CFAP96: variants seen among roughly 807,000 people sequenced by gnomAD.
The protein encoded by CFAP96 is cilia and flagella associated protein 96.
chr4:185,449,583 T>C, the CFAP96 span: 70 of 1,519,992 alleles, frequency 4.6e-5, no homozygotes, highest in Admixed American at 1.4e-3. Flanking sequence ...GTGTGTTTAT[T>C]TTCCAATTTT....
the CFAP96 span, chr4:185,415,851 A>T: frequency 6.2e-7 from 1 of 1,613,240 alleles, no homozygotes; most frequent in East Asian, 2.2e-5. Flanking sequence ...CATAAGATCT[A>T]TATTTACTAT....
At chr4:185,430,139 G>A in the CFAP96 span, among the ~76,000 whole-genome samples, 2 of 152,234 alleles carry the variant, frequency 1.3e-5, no homozygotes, top group South Asian at 2.1e-4. Flanking sequence ...TTACATTTGC[G>A]TCCAAGAAGG....
chr4:185,434,083 G>A, the CFAP96 span, among the ~76,000 whole-genome samples: 1 of 152,018 alleles, frequency 6.6e-6, no homozygotes, highest in African/African-American at 2.4e-5. Context: ...AGCCAGCGTG[G>A]CGATGCATGC....
At chr4:185,426,075 T>C in the CFAP96 span, 30 of 611,524 alleles carry the variant, frequency 4.9e-5, no homozygotes, top group African/African-American at 3.0e-4. Context: ...CGAAGACTTA[T>C]GTTTGGTAAA....
the CFAP96 span, chr4:185,436,016 C>G: frequency 6.7e-7 from 1 of 1,482,618 alleles, no homozygotes; most frequent in Non-Finnish European, 9.0e-7. Flanking sequence ...TAACCTCCTT[C>G]TTTTAAAACA....
chr4:185,422,881 A>T, the CFAP96 span, among the ~76,000 whole-genome samples: 1 of 97,704 alleles, frequency 1.0e-5, no homozygotes, highest in Non-Finnish European at 2.1e-5. Flanking sequence ...TTGTTTGGAG[A>T]CAGGGTCTCA....
the CFAP96 span, among the ~76,000 whole-genome samples, chr4:185,448,474 A>T: frequency 1.3e-5 from 2 of 152,198 alleles, no homozygotes; most frequent in African/African-American, 4.8e-5. Context: ...ATAAGTAAGG[A>T]AAATTGATTC....
the CFAP96 span, among the ~76,000 whole-genome samples, chr4:185,434,626 A>G: frequency 1.3e-5 from 2 of 152,352 alleles, 1 homozygote; most frequent in South Asian, 4.1e-4. Context: ...AAAAACATCT[A>G]TAATTTAGTG....
chr4:185,433,673 G>A, the CFAP96 span, among the ~76,000 whole-genome samples: 4 of 152,178 alleles, frequency 2.6e-5, no homozygotes, highest in African/African-American at 4.8e-5. Context: ...AGGCCGAGGC[G>A]GGCGGATCAC....
chr4:185,439,947 T>TATATGATATATATACATATATGTATC, the CFAP96 span, among the ~76,000 whole-genome samples: 1 of 124,036 alleles, frequency 8.1e-6, no homozygotes, highest in South Asian at 2.8e-4. Flanking sequence ...ATATGTATCA[T>TATATGATATATATACATATATGTATC]ATATATGATA....
chr4:185,418,033 A>T, the CFAP96 span, among the ~76,000 whole-genome samples: 1 of 25,032 alleles, frequency 4.0e-5, no homozygotes. Context: ...AAAAAGAGTG[A>T]AACTCCATCT....
the CFAP96 span, chr4:185,418,446 C>A: frequency 6.2e-7 from 1 of 1,606,866 alleles, no homozygotes; most frequent in Non-Finnish European, 8.5e-7. Flanking sequence ...CTTACCATGT[C>A]TGATAACTTT....
At chr4:185,449,656 C>CA in the CFAP96 span, 1 of 1,517,720 alleles carries the variant, frequency 6.6e-7, no homozygotes, top group South Asian at 1.3e-5. Context: ...AACTGGAAGA[C>CA]AAGTAGCTTT....
the CFAP96 span, chr4:185,436,177 G>C: frequency 7.7e-6 from 12 of 1,549,166 alleles, no homozygotes; most frequent in African/African-American, 1.4e-4. Context: ...AAAGGAACTG[G>C]ATATGGGTAA....
chr4:185,415,382 G>A, the CFAP96 span: 6 of 1,493,144 alleles, frequency 4.0e-6, no homozygotes, highest in Non-Finnish European at 5.4e-6. Flanking sequence ...ATTAACAAAA[G>A]TTATAGTGAC....
chr4:185,447,670 G>A, the CFAP96 span, among the ~76,000 whole-genome samples: 21 of 152,106 alleles, frequency 1.4e-4, no homozygotes, highest in African/African-American at 4.6e-4. Flanking sequence ...CTCATTAGGA[G>A]TATTAGAACC....
At chr4:185,436,113 C>T in the CFAP96 span, 1 of 1,551,156 alleles carries the variant, frequency 6.4e-7, no homozygotes, top group Non-Finnish European at 8.7e-7. Flanking sequence ...ACAGTCAAAA[C>T]CTCGAGAAAA....
chr4:185,414,556 T>C, the CFAP96 span, among the ~76,000 whole-genome samples: 1 of 152,168 alleles, frequency 6.6e-6, no homozygotes, highest in Non-Finnish European at 1.5e-5. Flanking sequence ...ATTCTCGCTC[T>C]CCCTAAGGAC....
the CFAP96 span, among the ~76,000 whole-genome samples, chr4:185,446,551 T>C: frequency 6.6e-6 from 1 of 152,178 alleles, no homozygotes; most frequent in Non-Finnish European, 1.5e-5. Context: ...ATCTAGTCAG[T>C]TGCTTAAGTT....
Sources: gnomAD v4.1 joint callset for allele counts (sites outside exome capture counted in the v4.1 genomes callset) on GRCh38, gnomAD v4.1.1 for gene constraint, MANE v1.5 for transcripts, NCBI Gene and HGNC (gene_info 2026-07-23, HGNC 2026-07-21) for gene names.